Variants in MACROD2 observed in about 807,000 individuals in gnomAD.
MACROD2 encodes mono-ADP ribosylhydrolase 2, also known as ADP-ribose glycohydrolase MACROD2.
In MACROD2, 36 loss-of-function variants were observed where a neutral mutation model predicts 70.4. That is an observed-to-expected ratio of 0.51 (90% CI 0.39 to 0.68). The LOEUF (loss-of-function observed/expected upper bound fraction) is 0.68. MACROD2 is among the 30% of genes least tolerant of loss of function. The pLI is 0.00. For missense variants in MACROD2, 496 were observed against 538.4 expected (o/e 0.92, Z 0.78); for synonymous variants, 172 against 178.8 (o/e 0.96, Z 0.30).
At chr20:14,964,317 A>G (rs1240690122) in intron 5 of MACROD2, among the ~76,000 whole-genome samples, 2 of 152,164 alleles carry the variant, frequency 1.3e-5, no homozygotes, top group Admixed American at 6.5e-5. Flanking sequence ...TCACGCCTGT[A>G]ATCCCAGCAC....
intron 7 of MACROD2, among the ~76,000 whole-genome samples, chr20:15,446,713 G>A (rs897310176): frequency 2.6e-5 from 4 of 152,166 alleles, no homozygotes; most frequent in African/African-American, 7.2e-5. Flanking sequence ...TTAGCAAGCC[G>A]GAAAGATCTG....
intron 2 of MACROD2, among the ~76,000 whole-genome samples, chr20:14,038,447 G>T (rs1050522424): frequency 3.3e-5 from 5 of 152,278 alleles, no homozygotes; most frequent in Admixed American, 2.6e-4. Context: ...GGAAACTGAG[G>T]CACAGAGAAG....
chr20:15,761,341 C>G (rs545633277), intron 8 of MACROD2, among the ~76,000 whole-genome samples: 1 of 152,150 alleles, frequency 6.6e-6, no homozygotes, highest in Non-Finnish European at 1.5e-5. Flanking sequence ...CCTCTGTGCC[C>G]GGCCAAAAGT....
At chr20:14,733,766 G>T (rs1237464882) in intron 5 of MACROD2, among the ~76,000 whole-genome samples, 1 of 152,030 alleles carries the variant, frequency 6.6e-6, no homozygotes, top group African/African-American at 2.4e-5. Context: ...CCCAAACTGG[G>T]GTAAAATTAT....
At chr20:15,904,913 A>G (rs573641929) in intron 10 of MACROD2, among the ~76,000 whole-genome samples, 84 of 151,126 alleles carry the variant, frequency 5.6e-4, no homozygotes, top group African/African-American at 1.9e-3. Context: ...AAGAAGGAAG[A>G]AAGGGAGGAA....
chr20:15,444,388 A>G (rs908223962), intron 7 of MACROD2, among the ~76,000 whole-genome samples: 1 of 152,190 alleles, frequency 6.6e-6, no homozygotes, highest in African/African-American at 2.4e-5. Context: ...CGCTAAATAT[A>G]CGCACTATAA....
intron 8 of MACROD2, among the ~76,000 whole-genome samples, chr20:15,572,931 C>A (rs1432323204): frequency 6.6e-6 from 1 of 152,070 alleles, no homozygotes; most frequent in African/African-American, 2.4e-5. Context: ...GACATCTTAT[C>A]CACATTACCT....
chr20:15,640,081 GA>G (rs1434251729), intron 8 of MACROD2, among the ~76,000 whole-genome samples: 1 of 150,892 alleles, frequency 6.6e-6, no homozygotes, highest in African/African-American at 2.4e-5. Flanking sequence ...GAAGGTGAGA[GA>G]AAAAAGGAGA....
At chr20:15,760,728 A>T (rs1264395417) in intron 8 of MACROD2, among the ~76,000 whole-genome samples, 2 of 152,224 alleles carry the variant, frequency 1.3e-5, no homozygotes, top group Admixed American at 1.3e-4. Context: ...AGTACCCTGC[A>T]CACTGTTTTT....
chr20:15,814,619 G>A (rs1310501474), intron 8 of MACROD2, among the ~76,000 whole-genome samples: 1 of 152,112 alleles, frequency 6.6e-6, no homozygotes, highest in African/African-American at 2.4e-5. Context: ...TGCCCCTGGT[G>A]GAACACAAAT....
chr20:14,901,051 A>G (rs967403471), intron 5 of MACROD2, among the ~76,000 whole-genome samples: 19 of 152,266 alleles, frequency 1.2e-4, no homozygotes, highest in African/African-American at 4.6e-4. Flanking sequence ...ATATATGAAC[A>G]TAACCAAAGG....
intron 7 of MACROD2, among the ~76,000 whole-genome samples, chr20:15,456,838 A>G (rs1387472702): frequency 6.6e-6 from 1 of 152,088 alleles, no homozygotes; most frequent in African/African-American, 2.4e-5. Flanking sequence ...GTCTCCCGGC[A>G]TATTCTAATG....
intron 6 of MACROD2, among the ~76,000 whole-genome samples, chr20:15,385,479 G>A (rs2045700084): frequency 6.6e-6 from 1 of 152,074 alleles, no homozygotes; most frequent in South Asian, 2.1e-4. Flanking sequence ...AGTGTGGTCT[G>A]GATTATTTGA....
chr20:14,943,248 G>A lies in MACROD2; in HGVS notation c.418+258289G>A, dbSNP rs117556450. ...AGGGTTGCAGGCAACTGATGAGACAGTGTTATCATAAGTGAGAGAATAATT... is the reference window on the plus strand; with the variant it reads ...AGGGTTGCAGGCAACTGATGAGACAATGTTATCATAAGTGAGAGAATAATT... On this transcript the variant is annotated intron_variant, in intron 5 of 17. Transcript: ENST00000684519. Among the ~76,000 whole-genome samples the A allele has an allele frequency of 3.7e-3, 569 of 152,220 alleles. 3 individuals are homozygous for A. Among genetic ancestry groups the A allele is most frequent in the Non-Finnish European group, 5.4e-3 (369 of 68,006 alleles).
At chr20:14,402,858 T>C (rs894131278) in intron 3 of MACROD2, among the ~76,000 whole-genome samples, 2 of 152,124 alleles carry the variant, frequency 1.3e-5, no homozygotes, top group African/African-American at 2.4e-5. Context: ...ACACTGAACA[T>C]TGGGGCTGTG....
At chr20:14,070,230 C>T (rs971172094) in intron 2 of MACROD2, among the ~76,000 whole-genome samples, 28 of 152,216 alleles carry the variant, frequency 1.8e-4, no homozygotes, top group East Asian at 5.8e-4. Context: ...AATTAGCCTA[C>T]GAGAGAGAAT....
At chr20:15,585,910 G>A (rs2048593488) in intron 8 of MACROD2, among the ~76,000 whole-genome samples, 2 of 152,070 alleles carry the variant, frequency 1.3e-5, no homozygotes, top group Non-Finnish European at 2.9e-5. Flanking sequence ...GTGCTGCAAT[G>A]CCTTTCCTTT....
At chr20:15,454,861 G>A (rs924457696) in intron 7 of MACROD2, among the ~76,000 whole-genome samples, 1 of 152,182 alleles carries the variant, frequency 6.6e-6, no homozygotes, top group Non-Finnish European at 1.5e-5. Flanking sequence ...TGACCTAGCT[G>A]TGGAGAGGAA....
chr20:15,073,510 C>G (rs11905380), intron 5 of MACROD2, among the ~76,000 whole-genome samples: 1 of 145,114 alleles, frequency 6.9e-6, no homozygotes, highest in African/African-American at 2.6e-5. Flanking sequence ...CACACACACA[C>G]GTACCACATT....
Sources: allele counts gnomAD v4.1 joint callset (sites outside exome capture counted in the v4.1 genomes callset), GRCh38; gene constraint gnomAD v4.1.1; transcripts MANE v1.5; gene names NCBI Gene and HGNC (gene_info 2026-07-23, HGNC 2026-07-21).